KAT6B: variants seen among roughly 807,000 people sequenced by gnomAD.
KAT6B encodes the protein histone acetyltransferase KAT6B.
A neutral mutation model predicts 187.5 loss-of-function variants in KAT6B; 10 were observed. The observed-to-expected ratio is 0.05, with a 90% confidence interval of 0.03 to 0.09. KAT6B has a LOEUF of 0.09. Ranked by LOEUF, KAT6B falls within the 10% of genes least tolerant of loss-of-function variation. The probability of loss-of-function intolerance (pLI) is 1.00; values close to 1 mark genes in which losing one functional copy is unlikely to be tolerated. For missense variants in KAT6B, 1,952 were observed against 2,558.9 expected (o/e 0.76, Z 5.12); for synonymous variants, 861 against 926.8 (o/e 0.93, Z 1.29).
intron 3 of KAT6B, among the ~76,000 whole-genome samples, chr10:74,858,389 C>T (rs1234600613): frequency 6.6e-6 from 1 of 151,212 alleles, no homozygotes; most frequent in Non-Finnish European, 1.5e-5. Context: ...GGCTCAAGCA[C>T]TCCTCCCACC....
chr10:74,863,695 T>A (rs1297264527), intron 3 of KAT6B, among the ~76,000 whole-genome samples: 1 of 152,212 alleles, frequency 6.6e-6, no homozygotes, highest in Non-Finnish European at 1.5e-5. Flanking sequence ...TGATTACTAA[T>A]GACTTGGACA....
chr10:75,026,670 A>G (rs1845869008), intron 17 of KAT6B, among the ~76,000 whole-genome samples: 1 of 151,708 alleles, frequency 6.6e-6, no homozygotes, highest in South Asian at 2.1e-4. Flanking sequence ...GTGAGCGATC[A>G]TTTTGTGTGT....
At chr10:74,846,569 G>C (rs1564518247) in intron 3 of KAT6B, among the ~76,000 whole-genome samples, 1 of 152,094 alleles carries the variant, frequency 6.6e-6, no homozygotes, top group Non-Finnish European at 1.5e-5. Context: ...TTCCCGAGTA[G>C]CTGGGACTAC....
intron 1 of KAT6B, among the ~76,000 whole-genome samples, chr10:74,827,829 ATTT>A (rs1050433501): frequency 2.0e-5 from 3 of 152,058 alleles, no homozygotes; most frequent in Non-Finnish European, 4.4e-5. Context: ...TGTATTTATT[ATTT>A]TTTATAAAAA....
chr10:74,954,979 A>G (rs1242668044), intron 3 of KAT6B, among the ~76,000 whole-genome samples: 1 of 152,138 alleles, frequency 6.6e-6, no homozygotes, highest in African/African-American at 2.4e-5. Flanking sequence ...TAGTCCAACT[A>G]CTGTCATCCT....
At chr10:74,989,619 A>G (rs1184441698) in intron 13 of KAT6B, among the ~76,000 whole-genome samples, 1 of 152,204 alleles carries the variant, frequency 6.6e-6, no homozygotes, top group Admixed American at 6.5e-5. Context: ...TCCCTTTTCT[A>G]TTATGGAAAT....
intron 3 of KAT6B, among the ~76,000 whole-genome samples, chr10:74,853,348 G>A (rs1026735217): frequency 2.0e-5 from 3 of 151,016 alleles, no homozygotes; most frequent in Admixed American, 6.6e-5. Flanking sequence ...GAGTGCAGCC[G>A]TGTAATCATG....
Position 74,976,031 on chromosome 10 carries a change from A to T in KAT6B, c.1694A>T (p.Tyr565Phe). The part of the protein sequence containing the change: ...GQSRKKGHPS[Y>F]APPKRMRRKT... ...TCTCGCAAAAAGGGACACCCGAGTT[A>T]TGCACCACCCAAACGTATGCGTCGT... Residue 565 changes from tyrosine (Y) to phenylalanine (F), a missense_variant, in exon 8 of 18, where the codon TAT (tyrosine) becomes TTT (phenylalanine). This residue lies in a region of KAT6B where 417 missense variants were observed against 508.9 expected (regional missense o/e 0.82). Coordinates refer to ENST00000287239, the MANE Select transcript of KAT6B (RefSeq NM_012330.4). 1 of 1,614,202 alleles carries T rather than the reference A, an allele frequency of 6.2e-7. No individual in the cohort carries two copies.
At position 74,853,920 on chromosome 10, in the gene KAT6B, C is replaced by T. The variant is rs754046936; in HGVS notation, c.621+10442C>T. On this transcript the variant is annotated intron_variant, in intron 3 of 17. Coordinates refer to ENST00000287239, the MANE Select transcript of KAT6B (RefSeq NM_012330.4). ...CTGGGATTAGAGGCATGCCCCACCA[C>T]GCCCAGCCCATTGTTTTATCATGAC... Among the ~76,000 whole-genome samples the T allele has an allele frequency of 1.7e-4, 26 of 152,288 alleles. No individual in the cohort carries two copies. In the East Asian group the frequency reaches 2.5e-3, roughly 15 times the overall value.
At chr10:74,857,832 C>T (rs1842916318) in intron 3 of KAT6B, among the ~76,000 whole-genome samples, 2 of 152,082 alleles carry the variant, frequency 1.3e-5, no homozygotes, top group African/African-American at 2.4e-5. Flanking sequence ...TCAGCCTGGA[C>T]AACATAGTGA....
chr10:74,941,939 C>T (rs1377423061), intron 3 of KAT6B, among the ~76,000 whole-genome samples: 1 of 152,050 alleles, frequency 6.6e-6, no homozygotes, highest in Non-Finnish European at 1.5e-5. Flanking sequence ...GTCAGGAGTT[C>T]AAGAGTTCAA....
At chr10:75,019,337 ACCCTT>A (rs748863338) in intron 13 of KAT6B, among the ~76,000 whole-genome samples, 19 of 152,282 alleles carry the variant, frequency 1.2e-4, no homozygotes, top group Non-Finnish European at 2.5e-4. Context: ...CTGTGATTAT[ACCCTT>A]CGAGGGTTCA....
chr10:74,929,384 A>G (rs1219638600), intron 3 of KAT6B, among the ~76,000 whole-genome samples: 1 of 152,218 alleles, frequency 6.6e-6, no homozygotes, highest in Non-Finnish European at 1.5e-5. Flanking sequence ...TCTTGCGTAC[A>G]GTGAAATCTT....
At chr10:74,908,345 G>A (rs941476585) in intron 3 of KAT6B, among the ~76,000 whole-genome samples, 1 of 152,018 alleles carries the variant, frequency 6.6e-6, no homozygotes, top group Admixed American at 6.6e-5. Flanking sequence ...GGCAGATCAC[G>A]AGGTCAAGAG....
At chr10:75,021,395 A>C in intron 15 of KAT6B, 110 bp downstream of exon 15, 1 of 1,010,550 alleles carries the variant, frequency 9.9e-7, no homozygotes, top group Non-Finnish European at 1.5e-6. Flanking sequence ...TAGAGATAGC[A>C]TGTGAAATGA....
At position 74,975,856 on chromosome 10, in the gene KAT6B, T is replaced by C; in HGVS notation, c.1519T>C (p.Ser507Pro). The C allele has an allele frequency of 1.9e-6, 3 of 1,614,172 alleles. No homozygotes were observed. Among genetic ancestry groups the C allele is most frequent in the Non-Finnish European group, 2.5e-6 (3 of 1,180,030 alleles). The change falls in exon 8 of 18, where the codon TCA (serine) becomes CCA (proline). Residue 507 changes from serine (S) to proline (P), a missense_variant. By Grantham distance (74) the Ser-to-Pro change is moderately conservative (BLOSUM62 -1). Around this residue, in one of 9 missense-constraint regions of KAT6B, gnomAD observed 417 missense variants for 508.9 expected, o/e 0.82. Transcript: ENST00000287239. ...PTPISGQSPS[S>P]QKSSTATSSP... ...CCCCATCTCCGGTCAGAGCCCCAGT[T>C]CACAAAAGTCCAGCACGGCCACTTC...
At chr10:74,953,254 A>T (rs1840444676) in intron 3 of KAT6B, among the ~76,000 whole-genome samples, 1 of 152,122 alleles carries the variant, frequency 6.6e-6, no homozygotes, top group African/African-American at 2.4e-5. Flanking sequence ...TCTTTTATAG[A>T]GTAATTCTAA....
At chr10:74,914,855 G>A (rs1847543518) in intron 3 of KAT6B, among the ~76,000 whole-genome samples, 1 of 152,112 alleles carries the variant, frequency 6.6e-6, no homozygotes. Flanking sequence ...ACTTTGGGAG[G>A]CTGGGGTGGG....
At chr10:74,936,795 C>T (rs1267764340) in intron 3 of KAT6B, among the ~76,000 whole-genome samples, 1 of 151,996 alleles carries the variant, frequency 6.6e-6, no homozygotes, top group Admixed American at 6.6e-5. Context: ...TTGGATTTCT[C>T]GATTTTTATT....
Sources: allele counts gnomAD v4.1 joint callset (sites outside exome capture counted in the v4.1 genomes callset), GRCh38; gene constraint gnomAD v4.1.1; regional missense constraint gnomAD v4.1.1; transcripts MANE v1.5; gene names NCBI Gene and HGNC (gene_info 2026-07-23, HGNC 2026-07-21).